Variants in MBD6 observed in about 807,000 individuals in gnomAD.
MBD6 encodes methyl-CpG binding domain protein 6.
In MBD6, 22 loss-of-function variants were observed where a neutral mutation model predicts 66.8. That is an observed-to-expected ratio of 0.33 (90% CI 0.24 to 0.47). The LOEUF (loss-of-function observed/expected upper bound fraction) is 0.47, where lower values mean the gene tolerates loss of function less well. Among genes scored for constraint, MBD6 ranks in the 20% least tolerant of loss-of-function variants. MBD6 has a pLI of 1.00. For synonymous variants in MBD6, 540 were observed against 534.6 expected (o/e 1.01, Z -0.14); for missense variants, 1,322 against 1,286.9 (o/e 1.03, Z -0.42).
rs562181010 is a variant in MBD6, at chr12:57,525,378, C to G, written c.410C>G (p.Thr137Ser). 2 of 1,566,372 alleles carry G rather than the reference C, an allele frequency of 1.3e-6. No individual in the cohort carries two copies. Among genetic ancestry groups the G allele is most frequent in the East Asian group, 2.2e-5 (1 of 44,728 alleles). ...GEGASPQMFH[T>S]VSPGPPSARP... is the part of the protein sequence containing the mutation. ...GGAGCGAGCCCCCAAATGTTCCACA[C>G]TGTGTCCCCAGGGCCCCCCTCTGCC... The change falls in exon 6 of 13, where the codon ACT (threonine) becomes AGT (serine). Residue 137 changes from threonine to serine, a missense_variant. Thr to Ser is a moderately conservative substitution (Grantham distance 58). Transcript: ENST00000355673.
chr12:57,527,185 G>T lies in MBD6; in HGVS notation c.2040G>T (p.Leu680=). 1 of 1,518,778 alleles carries T rather than the reference G, an allele frequency of 6.6e-7. No homozygotes were observed. The allele number at this position is 1,518,778 out of a possible 1,614,324, so 94.1% of individuals were successfully genotyped here. A position where few individuals can be genotyped will look rare whatever the true frequency, so the allele number is the denominator to read the frequency against. Residue 680 remains leucine (L), a synonymous_variant, in exon 7 of 13, where the codon CTG becomes CTT. Coordinates refer to ENST00000355673, the MANE Select transcript of MBD6 (RefSeq NM_052897.4). The part of the protein sequence containing the change: ...PPTLIALNSA[L]LAATLDPPSG... ...CCCTCATAGCTTTAAATTCTGCGCT[G>T]CTGGCTGCCACCCTGGATCCCCCCT...
chr12:57,527,165 A>G lies in MBD6; in HGVS notation c.2020A>G (p.Ile674Val), dbSNP rs1351558663. Residue 674 changes from isoleucine to valine, a missense_variant, in exon 7 of 13, where the codon ATA (isoleucine) becomes GTA (valine). Coordinates refer to ENST00000355673, the MANE Select transcript of MBD6 (RefSeq NM_052897.4). ...FPPLSAPPTL[I>V]ALNSALLAAT... ...CCCACTTTCAGCCCCCCCTACCCTCATAGCTTTAAATTCTGCGCTGCTGGC... is the reference window on the plus strand; with the variant it reads ...CCCACTTTCAGCCCCCCCTACCCTCGTAGCTTTAAATTCTGCGCTGCTGGC... 6 of 1,475,938 alleles carry G rather than the reference A, an allele frequency of 4.1e-6. No homozygotes were observed. The highest frequency in any genetic ancestry group is 2.6e-5 in the South Asian group (2 of 76,040). The allele number at this position is 1,475,938 out of a possible 1,614,324, so 91.4% of individuals were successfully genotyped here.
rs140895786 is a variant in MBD6, at chr12:57,527,970, C to G, written c.2359C>G (p.Leu787Val). 36 of 1,576,564 alleles carry G rather than the reference C, an allele frequency of 2.3e-5. No homozygotes were observed. The African/African-American group carries it at 4.5e-4, about 20-fold the overall frequency. ...CCCTGGGGGGGGAGCTCCTCCACCC[C>G]TCTCAGAGGCTTCTAGTCCCCTAGC... is the stretch of plus-strand genomic sequence containing the variant. ...LLPGGGAPPP[L>V]SEASSPLACL... is the part of the protein sequence containing the mutation. The change falls in exon 9 of 13, where the codon CTC becomes GTC. Residue 787 changes from leucine to valine, a missense_variant. Coordinates refer to ENST00000355673, the MANE Select transcript of MBD6 (RefSeq NM_052897.4).
Position 57,526,672 on chromosome 12 carries a change from G to A in MBD6, c.1527G>A (p.Leu509=), listed in dbSNP as rs1878990161. The A allele has an allele frequency of 6.6e-7, 1 of 1,523,918 alleles. No homozygotes were observed. 94.4% of individuals were successfully genotyped at this position (1,523,918 alleles called of 1,614,324 possible). A position where few individuals can be genotyped will look rare whatever the true frequency, so the allele number is the denominator to read the frequency against. ...LGMGAGPACP[L]PPLAGGEAFP... ...TGGGGGCAGGCCCGGCCTGCCCTCT[G>A]CCTCCCCTGGCTGGTGGAGAGGCTT... Residue 509 remains leucine (L), a synonymous_variant, in exon 7 of 13, where the codon CTG becomes CTA. Coordinates refer to ENST00000355673, the MANE Select transcript of MBD6 (RefSeq NM_052897.4).
chr12:57,527,371 C>A, intron 7 of MBD6, 136 bp from the exon 8 acceptor site: 1 of 1,215,516 alleles, frequency 8.2e-7, no homozygotes, highest in South Asian at 1.4e-5. Flanking sequence ...GGTAGGATGA[C>A]TGCAAGAATT....
Position 57,525,759 on chromosome 12 carries a change from G to C in MBD6, c.791G>C (p.Ser264Thr). 1 of 1,613,814 alleles carries C rather than the reference G, an allele frequency of 6.2e-7. No homozygotes were observed. Among genetic ancestry groups the C allele is most frequent in the East Asian group, 2.2e-5 (1 of 44,840 alleles). Reference protein sequence around the residue: ...PPSDPPLFHCSDALTPPPLPP... With the variant: ...PPSDPPLFHCTDALTPPPLPP... ...TCAGACCCTCCTCTCTTCCACTGTA[G>C]TGATGCCTTAACACCCCCTCCCCTG... The change falls in exon 6 of 13, where the codon AGT becomes ACT. Residue 264 changes from serine to threonine, a missense_variant. Coordinates refer to ENST00000355673, the MANE Select transcript of MBD6 (RefSeq NM_052897.4).
chr12:57,530,608 G>C (rs1879582791), downstream of MBD6: 4 of 1,259,448 alleles, frequency 3.2e-6, no homozygotes, highest in Non-Finnish European at 3.4e-6. Context: ...TAGAGTTATA[G>C]TAAAGGGGAA....
chr12:57,524,509 C>T (rs891431852), intron 3 of MBD6, 93 bp downstream of exon 3: 9 of 1,217,570 alleles, frequency 7.4e-6, no homozygotes, highest in South Asian at 1.3e-5. Flanking sequence ...CTCTGGTACC[C>T]GATTGCTCTC....
rs1017280117 is a variant in MBD6, at chr12:57,526,117, C to T, written c.1149C>T (p.Thr383=). 7 of 1,613,956 alleles carry T rather than the reference C, an allele frequency of 4.3e-6. No homozygotes were observed. Among genetic ancestry groups the T allele is most frequent in the Non-Finnish European group, 5.9e-6 (7 of 1,180,012 alleles). The change falls in exon 6 of 13, where the codon ACC becomes ACT. Residue 383 remains threonine, a synonymous_variant. Transcript: ENST00000355673. ...TGCTAGAAGGGAGAGGCCCTCAAAC[C>T]CCTAGACGGAGCCGTCCTCGGGCCC... ...FRLLEGRGPQ[T]PRRSRPRAPA... is the part of the protein sequence containing the mutation.
Position 57,526,881 on chromosome 12 carries a change from C to G in MBD6, c.1736C>G (p.Pro579Arg). Residue 579 changes from proline to arginine, a missense_variant, in exon 7 of 13, where the codon CCA becomes CGA. By Grantham distance (103) the Pro-to-Arg change is moderately radical. Transcript: ENST00000355673. The part of the protein sequence containing the change: ...GQPPPEPLLP[P>R]PGGPGPPLAP... Reference sequence around the variant, plus strand: ...CCTCCCCCTGAGCCCCTGCTACCCCCACCAGGAGGACCTGGTCCTCCCCTA... The same window carrying G: ...CCTCCCCCTGAGCCCCTGCTACCCCGACCAGGAGGACCTGGTCCTCCCCTA... 2 of 1,613,628 alleles carry G rather than the reference C, an allele frequency of 1.2e-6. No homozygotes were observed. The highest frequency in any genetic ancestry group is 1.7e-6 in the Non-Finnish European group (2 of 1,179,844).
Position 57,529,438 on chromosome 12 carries a change from C to CCG in MBD6, c.*204_*205insCG, listed in dbSNP as rs1565672368. On this transcript the variant is annotated 3_prime_UTR_variant, in exon 13 of 13. Transcript: ENST00000355673. ...AGTTCACCCCCCCCCACCACCCCCC[C>CCG]GCCCCCCCGAAGCCATGTCACTGAA... 9 of 546,914 alleles carry CCG rather than the reference C, an allele frequency of 1.6e-5. No individual in the cohort carries two copies. Among genetic ancestry groups the CCG allele is most frequent in the African/African-American group, 1.2e-4 (6 of 49,676 alleles). 33.9% of individuals were successfully genotyped at this position (546,914 alleles called of 1,614,324 possible). A position where few individuals can be genotyped will look rare whatever the true frequency, so the allele number is the denominator to read the frequency against.
intron 4 of MBD6, 28 bp from the exon 5 acceptor site, chr12:57,524,925 G>A (rs1301987415): frequency 1.9e-6 from 3 of 1,601,932 alleles, no homozygotes; most frequent in East Asian, 2.2e-5. Context: ...GCCCCTCAGG[G>A]TCCCTGTCCT....
rs748034847 is a variant in MBD6, at chr12:57,524,313, G to C, written c.10G>C (p.Gly4Arg). The change falls in exon 3 of 13, where the codon GGC (glycine) becomes CGC (arginine). Residue 4 changes from glycine to arginine, a missense_variant. Physicochemically the swap from Gly to Arg is moderately radical, Grantham distance 125. Coordinates refer to ENST00000355673, the MANE Select transcript of MBD6 (RefSeq NM_052897.4). ...GAGCTGATTACACACAATGAATGGG[G>C]GCAATGAGAGCAGTGGAGCAGACAG... Reference protein sequence around the residue: MNGGNESSGADRAG... With the variant: MNGRNESSGADRAG... 5 of 1,561,702 alleles carry C rather than the reference G, an allele frequency of 3.2e-6. No homozygotes were observed. Among genetic ancestry groups the C allele is most frequent in the Non-Finnish European group, 4.3e-6 (5 of 1,157,176 alleles).
chr12:57,527,477 G>C (rs1459888676), intron 7 of MBD6, 30 bp from the exon 8 acceptor site: 1 of 1,611,964 alleles, frequency 6.2e-7, no homozygotes, highest in African/African-American at 1.3e-5. Flanking sequence ...TTTTACACGC[G>C]TAAGTGTTAG....
At chr12:57,528,830 T>G in intron 11 of MBD6, 112 bp downstream of exon 11, 1 of 1,595,620 alleles carries the variant, frequency 6.3e-7, no homozygotes, top group Non-Finnish European at 8.6e-7. Flanking sequence ...CTTATTTGAA[T>G]ATGAATAAGG....
intron 11 of MBD6, 44 bp downstream of exon 11, chr12:57,528,762 T>A (rs1316215085): frequency 6.2e-7 from 1 of 1,613,062 alleles, no homozygotes. Flanking sequence ...GCCTACTTCT[T>A]TTTGGTTTGG....
Position 57,526,602 on chromosome 12 carries a change from T to A in MBD6, c.1457T>A (p.Val486Glu). Residue 486 changes from valine (V) to glutamate (E), a missense_variant, in exon 7 of 13, where the codon GTA (valine) becomes GAA (glutamate). Val to Glu is a moderately radical substitution (Grantham distance 121). Transcript: ENST00000355673. ...PAPPAASKAP[V>E]VPSPVLQSPS... ...CCACCAGCTGCCTCCAAAGCCCCAG[T>A]AGTCCCCAGCCCTGTGCTTCAAAGC... is the stretch of plus-strand genomic sequence containing the variant. 1 of 1,512,568 alleles carries A rather than the reference T, an allele frequency of 6.6e-7. No individual in the cohort carries two copies. Among genetic ancestry groups the A allele is most frequent in the Non-Finnish European group, 8.8e-7 (1 of 1,131,804 alleles). 93.7% of individuals were successfully genotyped at this position (1,512,568 alleles called of 1,614,324 possible).
chr12:57,526,153 C>G lies in MBD6; in HGVS notation c.1185C>G (p.Val395=). 1.2e-6 allele frequency: 2 copies of G among 1,614,150 alleles called. No homozygotes were observed. Among genetic ancestry groups the G allele is most frequent in the Non-Finnish European group, 1.7e-6 (2 of 1,180,010 alleles). The change falls in exon 6 of 13, where the codon GTC becomes GTG. Residue 395 remains valine (V), a synonymous_variant. Coordinates refer to ENST00000355673, the MANE Select transcript of MBD6 (RefSeq NM_052897.4). ...GCCGTCCTCGGGCCCCTGCTCCTGTCCCCCAACCCTTTTCTCTCCCGGAGC... is the reference window on the plus strand; with the variant it reads ...GCCGTCCTCGGGCCCCTGCTCCTGTGCCCCAACCCTTTTCTCTCCCGGAGC... ...RRSRPRAPAP[V]PQPFSLPEPS...
Position 57,526,317 on chromosome 12 carries a change from C to G in MBD6, c.1349C>G (p.Pro450Arg). Residue 450 changes from proline to arginine, a missense_variant, in exon 6 of 13, where the codon CCT becomes CGT. Transcript: ENST00000355673. ...CCCCCAACCCTCTCCTCAGGGAGCC[C>G]TCCCCAGCCCAGGCACCCCATCCAG... Reference protein sequence around the residue: ...PPPPTLSSGSPPQPRHPIQPS... With the variant: ...PPPPTLSSGSRPQPRHPIQPS... 6.2e-7 allele frequency: 1 copy of G among 1,612,830 alleles called. No individual in the cohort carries two copies. The highest frequency in any genetic ancestry group is 8.5e-7 in the Non-Finnish European group (1 of 1,179,446).
Sources: gnomAD v4.1 joint callset for allele counts on GRCh38, gnomAD v4.1.1 for gene constraint, MANE v1.5 for transcripts, NCBI Gene and HGNC (gene_info 2026-07-23, HGNC 2026-07-21) for gene names.